PTPRT: variants seen among roughly 807,000 people sequenced by gnomAD.
The protein encoded by PTPRT is receptor-type tyrosine-protein phosphatase T.
A neutral mutation model predicts 176.8 loss-of-function variants in PTPRT; 56 were observed. The observed-to-expected ratio is 0.32, with a 90% CI of 0.26 to 0.40. The LOEUF is 0.40. Among genes scored for constraint, PTPRT ranks in the 10% least tolerant of loss-of-function variants. The pLI is 1.00. For synonymous variants in PTPRT, 783 were observed against 739.0 expected (o/e 1.06, Z -0.96); for missense variants, 1,540 against 1,908.2 (o/e 0.81, Z 3.60).
chr20:42,922,726 G>A (rs1306417132), intron 1 of PTPRT, among the ~76,000 whole-genome samples: 2 of 152,122 alleles, frequency 1.3e-5, no homozygotes, highest in African/African-American at 4.8e-5. Flanking sequence ...TGGAGGGCGA[G>A]TCCTCCCCTG....
At chr20:42,338,206 A>T (rs2058066601) in intron 11 of PTPRT, among the ~76,000 whole-genome samples, 1 of 152,234 alleles carries the variant, frequency 6.6e-6, no homozygotes, top group African/African-American at 2.4e-5. Context: ...GAGCATTAAC[A>T]TGTTTCTGTA....
chr20:42,146,073 T>C (rs542093831), intron 17 of PTPRT, among the ~76,000 whole-genome samples: 1 of 152,280 alleles, frequency 6.6e-6, no homozygotes, highest in African/African-American at 2.4e-5. Flanking sequence ...GTTTAGGCCA[T>C]CTCTAGGTGG....
At chr20:43,091,705 TG>T (rs1281543844) in intron 1 of PTPRT, among the ~76,000 whole-genome samples, 1 of 152,148 alleles carries the variant, frequency 6.6e-6, no homozygotes, top group East Asian at 1.9e-4. Flanking sequence ...AAAAGAAGGT[TG>T]GGGATTCTAG....
intron 7 of PTPRT, among the ~76,000 whole-genome samples, chr20:42,576,386 C>A (rs962862948): frequency 5.3e-5 from 8 of 152,184 alleles, no homozygotes; most frequent in African/African-American, 1.9e-4. Context: ...CTACGCCTTG[C>A]AGCACGGTGC....
chr20:42,966,161 G>T (rs1051679206), intron 1 of PTPRT: 1 of 152,190 alleles, frequency 6.6e-6, no homozygotes. Flanking sequence ...GCCTTTTCGG[G>T]TCGTTTGAAC....
In PTPRT at chr20:42,199,344, C is replaced by T. The variant is rs1174893851; in HGVS notation, c.2387G>A (p.Arg796Lys). The change falls in exon 16 of 31, where the codon AGG (arginine) becomes AAG (lysine). Residue 796 changes from arginine (R) to lysine (K), a missense_variant. Coordinates refer to ENST00000373187, the MANE Select transcript of PTPRT (RefSeq NM_007050.6). ...GGCAGAGGCCACAGGCCCCATCTCCCTCTGGGCTCCACTCTGGGTCTCCTT... is the reference window on the plus strand; with the variant it reads ...GGCAGAGGCCACAGGCCCCATCTCCTTCTGGGCTCCACTCTGGGTCTCCTT... ...KQKETQSGAQ[R>K]EMGPVASADK... is the part of the protein sequence containing the mutation. The T allele has an allele frequency of 6.2e-7, 1 of 1,614,026 alleles. No homozygotes were observed. The highest frequency in any genetic ancestry group is 2.2e-5 in the East Asian group (1 of 44,880).
At chr20:42,770,230 C>T (rs2077042726) in intron 5 of PTPRT, among the ~76,000 whole-genome samples, 1 of 152,164 alleles carries the variant, frequency 6.6e-6, no homozygotes, top group South Asian at 2.1e-4. Context: ...TCAAGTGATT[C>T]TCCTGCCTCA....
chr20:42,843,131 T>C (rs1247275023), intron 2 of PTPRT, among the ~76,000 whole-genome samples: 2 of 152,236 alleles, frequency 1.3e-5, no homozygotes, highest in Non-Finnish European at 2.9e-5. Flanking sequence ...AAGGAACTTC[T>C]GGCTTAAAAA....
At chr20:42,323,511 C>CA (rs1431150648) in intron 11 of PTPRT, among the ~76,000 whole-genome samples, 2 of 151,386 alleles carry the variant, frequency 1.3e-5, no homozygotes, top group Admixed American at 1.3e-4. Flanking sequence ...ATCGCAAGGA[C>CA]AAAAAACCAA....
intron 14 of PTPRT, 86 bp downstream of exon 14, chr20:42,248,601 G>T: frequency 6.6e-7 from 1 of 1,504,148 alleles, no homozygotes; most frequent in South Asian, 1.2e-5. Context: ...GCTGGACAAT[G>T]ATCAACAGAG....
At chr20:42,586,125 A>G (rs1030341890) in intron 7 of PTPRT, among the ~76,000 whole-genome samples, 1 of 152,190 alleles carries the variant, frequency 6.6e-6, no homozygotes, top group Non-Finnish European at 1.5e-5. Flanking sequence ...GCGATTCCCT[A>G]CAAATCCTGA....
chr20:42,589,132 C>CA (rs755463168), intron 7 of PTPRT, among the ~76,000 whole-genome samples: 4 of 152,168 alleles, frequency 2.6e-5, no homozygotes, highest in Non-Finnish European at 5.9e-5. Context: ...GAGACATGGG[C>CA]AGCAGCGAAC....
At chr20:42,848,209 T>C (rs1165709144) in intron 2 of PTPRT, among the ~76,000 whole-genome samples, 2 of 152,232 alleles carry the variant, frequency 1.3e-5, no homozygotes, top group African/African-American at 4.8e-5. Flanking sequence ...ATACATGCCA[T>C]AATTTCTTCA....
At chr20:42,943,584 T>C (rs1980704211) in intron 1 of PTPRT, among the ~76,000 whole-genome samples, 1 of 152,256 alleles carries the variant, frequency 6.6e-6, no homozygotes, top group Non-Finnish European at 1.5e-5. Flanking sequence ...GGCACAGGGA[T>C]GAGGAAGCAC....
chr20:42,744,862 T>C (rs1016716232), intron 6 of PTPRT, among the ~76,000 whole-genome samples: 1 of 152,230 alleles, frequency 6.6e-6, no homozygotes, highest in Admixed American at 6.5e-5. Flanking sequence ...TCTGCTCACA[T>C]TCCTTAAACT....
intron 2 of PTPRT, among the ~76,000 whole-genome samples, chr20:42,792,423 T>C (rs907631083): frequency 1.3e-5 from 2 of 152,162 alleles, no homozygotes; most frequent in Non-Finnish European, 2.9e-5. Flanking sequence ...CAAATAACTT[T>C]CTAACAAGTA....
At chr20:42,382,115 C>A (rs967844831) in intron 9 of PTPRT, among the ~76,000 whole-genome samples, 2 of 152,130 alleles carry the variant, frequency 1.3e-5, no homozygotes, top group Non-Finnish European at 2.9e-5. Context: ...AGCTTTGCAC[C>A]CCATTTACAT....
downstream of PTPRT, among the ~76,000 whole-genome samples, chr20:42,072,439 G>T (rs1442194007): frequency 6.6e-6 from 1 of 152,182 alleles, no homozygotes; most frequent in Non-Finnish European, 1.5e-5. Flanking sequence ...CCCTGAAATT[G>T]TGATTCTCTG....
intron 12 of PTPRT, among the ~76,000 whole-genome samples, chr20:42,295,963 T>C (rs1187094983): frequency 6.6e-6 from 1 of 152,246 alleles, no homozygotes; most frequent in African/African-American, 2.4e-5. Flanking sequence ...GTAAGTTTCC[T>C]GAGGCCTCCC....
Sources: allele counts gnomAD v4.1 joint callset (sites outside exome capture counted in the v4.1 genomes callset), GRCh38; gene constraint gnomAD v4.1.1; transcripts MANE v1.5; gene names NCBI Gene and HGNC (gene_info 2026-07-23, HGNC 2026-07-21).